Variants in TFDP2 observed in about 807,000 individuals in gnomAD.
TFDP2 encodes the protein transcription factor Dp-2, also known as transcription factor Dp-2 (E2F dimerization partner 2).
TFDP2 carries 17 observed loss-of-function variants against 59.3 expected under a neutral mutation model. The ratio of observed to expected loss-of-function variants is 0.29; its 90% CI spans 0.20 to 0.43. The LOEUF is 0.43. Among genes scored for constraint, TFDP2 ranks in the 20% least tolerant of loss-of-function variants. The pLI, the probability that TFDP2 is intolerant of heterozygous loss-of-function variation, is 1.00. For synonymous variants in TFDP2, 180 were observed against 194.7 expected (o/e 0.92, Z 0.63); for missense variants, 391 against 528.8 (o/e 0.74, Z 2.56).
At position 142,131,313 on chromosome 3, in the gene TFDP2, G is replaced by A. The variant is rs1376519435; in HGVS notation, c.-93+17870C>T. The stretch of plus-strand genomic sequence containing the variant: ...ATAACATAATTTATAAACATATAAA[G>A]CAAAAACTGACTATTTTACAAGGAG... On this transcript the variant is annotated intron_variant, in intron 1 of 12. Transcript: ENST00000489671. Among the ~76,000 whole-genome samples the A allele has an allele frequency of 1.3e-5, 2 of 149,944 alleles. 1 individual carries two copies. The highest frequency in any genetic ancestry group is 1.3e-4 in the Admixed American group (2 of 15,182).
intron 4 of TFDP2, among the ~76,000 whole-genome samples, chr3:142,003,992 T>C (rs976275546): frequency 6.6e-6 from 1 of 152,204 alleles, no homozygotes; most frequent in Non-Finnish European, 1.5e-5. Context: ...TTGAGTATGT[T>C]TAATTTTGGT....
intron 3 of TFDP2, among the ~76,000 whole-genome samples, chr3:142,007,583 T>G (rs1466083169): frequency 6.6e-6 from 1 of 152,210 alleles, no homozygotes; most frequent in Non-Finnish European, 1.5e-5. Context: ...TATTGTGCAC[T>G]TTATTTCTAT....
intron 9 of TFDP2, among the ~76,000 whole-genome samples, chr3:141,969,262 CATAT>C (rs1251006911): frequency 1.9e-5 from 2 of 105,830 alleles, no homozygotes; most frequent in South Asian, 5.3e-4. Context: ...ATATATATCT[CATAT>C]ATATGAGATA....
intron 4 of TFDP2, among the ~76,000 whole-genome samples, chr3:141,999,180 C>T (rs1042424097): frequency 3.0e-4 from 45 of 152,134 alleles, no homozygotes; most frequent in African/African-American, 1.0e-3. Context: ...AACGTGAAGA[C>T]GTCGAGGATG....
chr3:142,114,151 C>T (rs2061766867), intron 1 of TFDP2, among the ~76,000 whole-genome samples: 2 of 148,912 alleles, frequency 1.3e-5, no homozygotes, highest in South Asian at 4.2e-4. Context: ...GGCGACAAAG[C>T]GAGAATCCGT....
intron 1 of TFDP2, among the ~76,000 whole-genome samples, chr3:142,128,791 A>AT (rs909240449): frequency 6.6e-5 from 10 of 151,922 alleles, no homozygotes; most frequent in South Asian, 2.1e-4. Flanking sequence ...AAACAAAGAA[A>AT]TTTTTTTTTA....
At chr3:142,036,208 T>A (rs1946689043) in intron 3 of TFDP2, among the ~76,000 whole-genome samples, 1 of 152,226 alleles carries the variant, frequency 6.6e-6, no homozygotes, top group Non-Finnish European at 1.5e-5. Context: ...CCTTAATGGA[T>A]AACTGTTTTA....
At chr3:142,021,975 C>CT (rs1254759119) in intron 3 of TFDP2, among the ~76,000 whole-genome samples, 4 of 152,088 alleles carry the variant, frequency 2.6e-5, no homozygotes, top group East Asian at 1.9e-4. Context: ...CTTTTGAAAT[C>CT]TTTTTTCTGT....
At chr3:142,079,961 T>G (rs1466571380) in intron 3 of TFDP2, among the ~76,000 whole-genome samples, 1 of 152,082 alleles carries the variant, frequency 6.6e-6, no homozygotes, top group East Asian at 1.9e-4. Context: ...GGTACAAAAC[T>G]CACTTATTTT....
In TFDP2 at chr3:142,105,522, G is replaced by A. The variant is rs556610082; in HGVS notation, c.-92-3681C>T. ...GTGATGGCTAGAGCTGCTTGTCTCC[G>A]GGCATCTGCTCCATTTCTGAATTCA... On this transcript the variant is annotated intron_variant, in intron 1 of 12. Transcript: ENST00000489671. Among the ~76,000 whole-genome samples, 58 of 152,112 alleles carry A rather than the reference G, an allele frequency of 3.8e-4. 1 individual carries two copies. The highest frequency in any genetic ancestry group is 3.4e-3 in the Middle Eastern group (1 of 294).
chr3:142,053,188 A>G (rs566220242), intron 3 of TFDP2, among the ~76,000 whole-genome samples: 29 of 152,174 alleles, frequency 1.9e-4, no homozygotes, highest in Non-Finnish European at 2.9e-4. Context: ...TATAGTTTAG[A>G]TGTTTGTCCG....
intron 1 of TFDP2, among the ~76,000 whole-genome samples, chr3:142,129,158 A>G (rs909312666): frequency 1.3e-5 from 2 of 151,968 alleles, no homozygotes; most frequent in Non-Finnish European, 2.9e-5. Context: ...GGGTTTCACC[A>G]TTTTTTACAC....
intron 1 of TFDP2, chr3:142,126,096 T>G (rs973140821): frequency 2.6e-5 from 4 of 152,010 alleles, no homozygotes; most frequent in African/African-American, 9.7e-5. Context: ...AGAGAACAAC[T>G]AAACAACACC....
In TFDP2 at chr3:141,951,673, C is replaced by T. The variant is rs1935954667; in HGVS notation, c.*840G>A. 6.6e-6 allele frequency: 1 copy of T among 152,580 alleles called. No homozygotes were observed. The highest frequency in any genetic ancestry group is 1.5e-5 in the Non-Finnish European group (1 of 68,026). 9.5% of individuals were successfully genotyped at this position (152,580 alleles called of 1,614,324 possible). ...CTTTGTCTTGTTTTAAATGAAAAAGCTATATGAAATGCATAGCTTTGATTA... is the reference window on the plus strand; with the variant it reads ...CTTTGTCTTGTTTTAAATGAAAAAGTTATATGAAATGCATAGCTTTGATTA... On this transcript the variant is annotated 3_prime_UTR_variant, in exon 13 of 13. Coordinates refer to ENST00000489671, the MANE Select transcript of TFDP2 (RefSeq NM_001178139.2).
At chr3:142,088,324 T>C (rs2060874647) in intron 3 of TFDP2, among the ~76,000 whole-genome samples, 1 of 151,974 alleles carries the variant, frequency 6.6e-6, no homozygotes, top group Admixed American at 6.6e-5. Context: ...CTATCTTTTT[T>C]TTTTCTTTTT....
intron 1 of TFDP2, among the ~76,000 whole-genome samples, chr3:142,136,674 G>C (rs1375294746): frequency 6.6e-6 from 1 of 152,046 alleles, no homozygotes; most frequent in Non-Finnish European, 1.5e-5. Context: ...TTGTTAAATA[G>C]GGAATCCTTT....
intron 1 of TFDP2, among the ~76,000 whole-genome samples, chr3:142,137,795 G>A (rs2062791270): frequency 6.6e-6 from 1 of 152,096 alleles, no homozygotes; most frequent in African/African-American, 2.4e-5. Context: ...ATTTTACTGA[G>A]GATTTTCGTA....
rs1223014943 is a variant in TFDP2, at chr3:141,945,107, T to C, written c.*7406A>G. 6.6e-6 allele frequency: 1 copy of C among 152,206 alleles called. No individual in the cohort carries two copies. Among genetic ancestry groups the C allele is most frequent in the Admixed American group, 6.5e-5 (1 of 15,274 alleles). 9.4% of individuals were successfully genotyped at this position (152,206 alleles called of 1,614,324 possible). ...TCAGATGAAAAGGTGAACAACCTAG[T>C]GGTTTGGGCTCATGGCCCTTTACCC... On this transcript the variant is annotated 3_prime_UTR_variant, in exon 13 of 13. Transcript: ENST00000489671.
At chr3:142,091,191 G>A (rs1409848267) in intron 3 of TFDP2, among the ~76,000 whole-genome samples, 6 of 152,084 alleles carry the variant, frequency 3.9e-5, no homozygotes, top group Non-Finnish European at 5.9e-5. Flanking sequence ...TAGCCCTAGT[G>A]CATCCCACAA....
Sources: gnomAD v4.1 joint callset for allele counts (sites outside exome capture counted in the v4.1 genomes callset) on GRCh38, gnomAD v4.1.1 for gene constraint, MANE v1.5 for transcripts, NCBI Gene and HGNC (gene_info 2026-07-23, HGNC 2026-07-21) for gene names.